The following GINS2 variants were observed in gnomAD, a reference collection of about 807,000 sequenced individuals.
The protein encoded by GINS2 is DNA replication complex GINS protein PSF2.
A neutral mutation model predicts 21.2 loss-of-function variants in GINS2; 23 were observed. The ratio of observed to expected loss-of-function variants is 1.08; its 90% CI spans 0.78 to 1.53. The LOEUF (loss-of-function observed/expected upper bound fraction) is 1.53, where lower values mean the gene tolerates loss of function less well. Among genes scored for constraint, GINS2 ranks in the 40% most tolerant of loss-of-function variants. The pLI is 0.00. For missense variants in GINS2, 323 were observed against 233.9 expected (o/e 1.38, Z -2.49); for synonymous variants, 118 against 85.6 (o/e 1.38, Z -2.09).
At chr16:85,687,431 G>A (rs759977646) in intron 2 of GINS2, 29 bp downstream of exon 2, 7 of 1,283,200 alleles carry the variant, frequency 5.5e-6, no homozygotes, top group Admixed American at 5.1e-5. Flanking sequence ...CCCCACCCAC[G>A]CATCAACCAG....
chr16:85,678,478 C>T (rs199777043), intron 4 of GINS2, 62 bp downstream of exon 4: 177 of 1,589,424 alleles, frequency 1.1e-4, no homozygotes, highest in South Asian at 2.0e-4. Context: ...CCTCAGCAGA[C>T]GGGAGCCATG....
At chr16:85,685,057 G>A (rs571347193) in intron 2 of GINS2, among the ~76,000 whole-genome samples, 3 of 152,144 alleles carry the variant, frequency 2.0e-5, no homozygotes, top group Admixed American at 6.5e-5. Flanking sequence ...CCAAAGTGCT[G>A]GGATTACAGG....
chr16:85,680,055 G>A (rs1447817728), intron 3 of GINS2, among the ~76,000 whole-genome samples: 1 of 152,142 alleles, frequency 6.6e-6, no homozygotes, highest in African/African-American at 2.4e-5. Context: ...AGCCCTCTCT[G>A]GCACCACCTG....
chr16:85,688,951 T>A lies in GINS2; in HGVS notation c.-53A>T, dbSNP rs556074453. The A allele has an allele frequency of 3.1e-6, 4 of 1,302,662 alleles. No individual in the cohort carries two copies. Among genetic ancestry groups the A allele is most frequent in the African/African-American group, 1.5e-5 (1 of 65,110 alleles). 80.7% of individuals were successfully genotyped at this position (1,302,662 alleles called of 1,614,324 possible). A position where few individuals can be genotyped will look rare whatever the true frequency, so the allele number is the denominator to read the frequency against. On this transcript the variant is annotated 5_prime_UTR_variant, in exon 1 of 5. Coordinates refer to ENST00000253462, the MANE Select transcript of GINS2 (RefSeq NM_016095.3). ...CACGGTCTCCTCGGGCCCCTCAGCG[T>A]CCCGGAGGAGACGCCGCGGCCGCCG...
intron 3 of GINS2, among the ~76,000 whole-genome samples, chr16:85,680,176 A>G (rs1410336031): frequency 6.6e-6 from 1 of 152,196 alleles, no homozygotes; most frequent in African/African-American, 2.4e-5. Context: ...GGCCTATGGG[A>G]CAAACGCCAC....
At chr16:85,678,479 G>A (rs76490091) in intron 4 of GINS2, 61 bp downstream of exon 4, 35 of 1,589,822 alleles carry the variant, frequency 2.2e-5, no homozygotes, top group Non-Finnish European at 2.8e-5. Flanking sequence ...CTCAGCAGAC[G>A]GGAGCCATGT....
At chr16:85,681,549 G>C in intron 3 of GINS2, 33 bp downstream of exon 3, 5 of 1,236,824 alleles carry the variant, frequency 4.0e-6, no homozygotes, top group Non-Finnish European at 6.0e-6. Flanking sequence ...GTCCAGTCTT[G>C]GGTGTGGCCT....
chr16:85,687,660 A>C, intron 1 of GINS2, 86 bp from the exon 2 acceptor site: 1 of 720,038 alleles, frequency 1.4e-6, no homozygotes, highest in African/African-American at 1.8e-5. Context: ...ATAAGAGGCA[A>C]GGCATTGCAG....
chr16:85,683,022 T>G (rs1453357672), intron 2 of GINS2, among the ~76,000 whole-genome samples: 1 of 152,040 alleles, frequency 6.6e-6, no homozygotes, highest in Non-Finnish European at 1.5e-5. Flanking sequence ...AAACTCCCTG[T>G]GTAGCTCCTA....
At chr16:85,685,261 GC>G (rs2053764941) in intron 2 of GINS2, among the ~76,000 whole-genome samples, 1 of 152,146 alleles carries the variant, frequency 6.6e-6, no homozygotes, top group Non-Finnish European at 1.5e-5. Context: ...GATAAAACAG[GC>G]CCTTGCCATG....
rs578015866 is a variant in GINS2, at chr16:85,684,865, G to A, written c.205+2595C>T. On this transcript the variant is annotated intron_variant, in intron 2 of 4. Coordinates refer to ENST00000253462, the MANE Select transcript of GINS2 (RefSeq NM_016095.3). ...TACAGTGGCGCGATCTCAGCTCACTGCAACTTCCACCTCCTGGATTCAAGC... is the reference window on the plus strand; with the variant it reads ...TACAGTGGCGCGATCTCAGCTCACTACAACTTCCACCTCCTGGATTCAAGC... Among the ~76,000 whole-genome samples the A allele has an allele frequency of 1.7e-4, 26 of 151,908 alleles. No individual in the cohort carries two copies. The South Asian group carries it at 5.4e-3, about 32-fold the overall frequency.
At chr16:85,688,764 G>A (rs1356430753) in intron 1 of GINS2, 45 bp downstream of exon 1, 12 of 1,248,788 alleles carry the variant, frequency 9.6e-6, no homozygotes, top group Admixed American at 2.6e-5. Context: ...AGCCCCGGAC[G>A]CGCCCAGCCC....
intron 2 of GINS2, among the ~76,000 whole-genome samples, chr16:85,682,830 G>A (rs2053745572): frequency 6.6e-6 from 1 of 152,166 alleles, no homozygotes; most frequent in Admixed American, 6.5e-5. Context: ...CAGCTACGCT[G>A]CAGGGTCCCA....
rs752631926 is a variant in GINS2 at position 85,685,670 on chromosome 16, C to CAAAAAAAAAAAAAAAA, written c.205+1774_205+1789dup. ...TGGGTGACAGAGCAAGACCCTTTCT[C>CAAAAAAAAAAAAAAAA]AAAAAAAAAAAAAAAAAAAAACCGT... is the stretch of plus-strand genomic sequence containing the variant. On this transcript the variant is annotated intron_variant, in intron 2 of 4. Transcript: ENST00000253462. Among the ~76,000 whole-genome samples, 79 of 55,278 alleles carry CAAAAAAAAAAAAAAAA rather than the reference C, an allele frequency of 1.4e-3. 2 individuals are homozygous for CAAAAAAAAAAAAAAAA. The highest frequency in any genetic ancestry group is 5.1e-3 in the Admixed American group (27 of 5,266). The allele number at this position is 55,278 out of a possible 152,430, so 36.3% of individuals were successfully genotyped here. A position where few individuals can be genotyped will look rare whatever the true frequency, so the allele number is the denominator to read the frequency against.
At chr16:85,688,302 C>T (rs1018758735) in intron 1 of GINS2, among the ~76,000 whole-genome samples, 1 of 152,154 alleles carries the variant, frequency 6.6e-6, no homozygotes, top group African/African-American at 2.4e-5. Flanking sequence ...CATCCCAGCA[C>T]TTTGGGAGGC....
chr16:85,688,414 C>G lies in GINS2; in HGVS notation c.90+395G>C, dbSNP rs535439514. ...TACAAAAATGCGCCGGGCGTGGTGG[C>G]GGGCACCTGTAACAGCAGCTACTCA... On this transcript the variant is annotated intron_variant, in intron 1 of 4. Transcript: ENST00000253462. Among the ~76,000 whole-genome samples the G allele has an allele frequency of 1.8e-4, 27 of 150,682 alleles. 1 individual carries two copies. In the East Asian group the frequency reaches 5.5e-3, roughly 31 times the overall value.
At chr16:85,687,047 C>T (rs574654006) in intron 2 of GINS2, among the ~76,000 whole-genome samples, 20 of 152,352 alleles carry the variant, frequency 1.3e-4, no homozygotes, top group African/African-American at 4.8e-4. Context: ...CATGGCAAGA[C>T]CCCATCTCTA....
chr16:85,678,053 T>C lies in GINS2; in HGVS notation c.*159A>G. 1 of 667,076 alleles carries C rather than the reference T, an allele frequency of 1.5e-6. No homozygotes were observed. Among genetic ancestry groups the C allele is most frequent in the South Asian group, 2.0e-5 (1 of 50,402 alleles). 41.3% of individuals were successfully genotyped at this position (667,076 alleles called of 1,614,324 possible). On this transcript the variant is annotated 3_prime_UTR_variant, in exon 5 of 5. Coordinates refer to ENST00000253462, the MANE Select transcript of GINS2 (RefSeq NM_016095.3). Reference sequence around the variant, plus strand: ...CAGGGAGCTAAGTTTTAAGGACTAATCACAAACTTGTTTCTCCAACAACAT... The same window carrying C: ...CAGGGAGCTAAGTTTTAAGGACTAACCACAAACTTGTTTCTCCAACAACAT...
intron 2 of GINS2, among the ~76,000 whole-genome samples, chr16:85,686,854 T>G (rs548446602): frequency 1.3e-5 from 2 of 152,398 alleles, no homozygotes; most frequent in South Asian, 2.1e-4. Flanking sequence ...CATGCTAATC[T>G]ATACTTATTT....
Sources: allele counts gnomAD v4.1 joint callset (sites outside exome capture counted in the v4.1 genomes callset), GRCh38; gene constraint gnomAD v4.1.1; transcripts MANE v1.5; gene names NCBI Gene and HGNC (gene_info 2026-07-23, HGNC 2026-07-21).